TTLL5: variants seen among roughly 807,000 people sequenced by gnomAD.
TTLL5 encodes tubulin polyglutamylase TTLL5.
Under a neutral mutation model 168.4 loss-of-function variants are expected in TTLL5, and 132 were observed. That is an observed-to-expected ratio of 0.78 (90% CI 0.68 to 0.91). The LOEUF (loss-of-function observed/expected upper bound fraction) is 0.91, where lower values mean the gene tolerates loss of function less well. Ranked by LOEUF, TTLL5 falls within the 40% of genes least tolerant of loss-of-function variation. The pLI is 0.00. For missense variants in TTLL5, 1,545 were observed against 1,581.5 expected (o/e 0.98, Z 0.39); for synonymous variants, 546 against 558.6 (o/e 0.98, Z 0.32).
rs556811854 is a variant in TTLL5 at position 75,829,454 on chromosome 14, A to C, written c.3326+9293A>C. 5.3e-5 allele frequency among the ~76,000 whole-genome samples: 8 copies of C among 152,326 alleles called. No individual in the cohort carries two copies. The East Asian group carries it at 1.5e-3, about 29-fold the overall frequency. ...AATAAAAAAATTTATTGAGAAAATC[A>C]TAAGGAAGAGAAATACATTTACTAT... On this transcript the variant is annotated intron_variant, in intron 28 of 31. Coordinates refer to ENST00000298832, the MANE Select transcript of TTLL5 (RefSeq NM_015072.5).
chr14:75,895,560 AAT>A (rs1282258714), intron 30 of TTLL5, among the ~76,000 whole-genome samples: 2 of 152,346 alleles, frequency 1.3e-5, no homozygotes, highest in African/African-American at 4.8e-5. Flanking sequence ...ATTTTAAAAA[AAT>A]AGAGTACCTA....
chr14:75,908,459 C>T (rs1273114171), intron 31 of TTLL5, among the ~76,000 whole-genome samples: 3 of 152,234 alleles, frequency 2.0e-5, no homozygotes, highest in Non-Finnish European at 2.9e-5. Flanking sequence ...ACCATAATCA[C>T]GAACGAATGT....
chr14:75,902,159 G>C lies in TTLL5; in HGVS notation c.3758G>C (p.Gly1253Ala), dbSNP rs896484588. ...TGTTTCAGAGGGTCCTCCGCGGAAG[G>C]GCAGCTGAATGGACTCCAGAGCAGC... is the stretch of plus-strand genomic sequence containing the variant. ...QKASKGSSAE[G>A]QLNGLQSSLN... The change falls in exon 31 of 32, where the codon GGG becomes GCG. Residue 1253 changes from glycine to alanine, a missense_variant. By Grantham distance (60) the Gly-to-Ala change is moderately conservative. Transcript: ENST00000298832. 1.9e-5 allele frequency: 30 copies of C among 1,614,016 alleles called. No homozygotes were observed. In the Admixed American group the frequency reaches 5.0e-4, roughly 27 times the overall value.
At chr14:75,778,724 T>G (rs1891869513) in intron 23 of TTLL5, among the ~76,000 whole-genome samples, 2 of 152,194 alleles carry the variant, frequency 1.3e-5, no homozygotes, top group Non-Finnish European at 2.9e-5. Context: ...AAAAGGCCAT[T>G]GAGAAGCTGC....
intron 9 of TTLL5, chr14:75,711,977 G>A (rs1887111913): frequency 6.6e-6 from 1 of 152,434 alleles, no homozygotes. Context: ...CCAACAAGGG[G>A]GAGAAAACCC....
intron 28 of TTLL5, among the ~76,000 whole-genome samples, chr14:75,857,545 A>G (rs938541164): frequency 6.6e-6 from 1 of 151,792 alleles, no homozygotes; most frequent in African/African-American, 2.4e-5. Context: ...TATTAGAGAT[A>G]TGCTAACCTC....
intron 27 of TTLL5, among the ~76,000 whole-genome samples, chr14:75,813,014 C>A (rs1195942203): frequency 3.3e-5 from 5 of 152,132 alleles, no homozygotes; most frequent in African/African-American, 1.2e-4. Context: ...ATTAAAACAA[C>A]AAGATTGGGA....
intron 14 of TTLL5, among the ~76,000 whole-genome samples, 155 bp downstream of exon 14, chr14:75,734,205 T>C (rs1888740618): frequency 6.6e-6 from 1 of 152,238 alleles, no homozygotes; most frequent in African/African-American, 2.4e-5. Context: ...TTTATATGTT[T>C]CTACGACACT....
At chr14:75,694,352 T>C (rs1276105053) in intron 6 of TTLL5, among the ~76,000 whole-genome samples, 2 of 152,230 alleles carry the variant, frequency 1.3e-5, no homozygotes, top group East Asian at 3.8e-4. Context: ...AACTTCTTTT[T>C]TTTTGAGACA....
chr14:75,684,212 T>C (rs1249008330), intron 5 of TTLL5: 1 of 152,384 alleles, frequency 6.6e-6, no homozygotes, highest in Non-Finnish European at 1.5e-5. Context: ...TGGTTCTCTT[T>C]CCTAAAGTTG....
intron 3 of TTLL5, among the ~76,000 whole-genome samples, chr14:75,673,810 A>T (rs1444693442): frequency 2.0e-5 from 3 of 152,162 alleles, no homozygotes; most frequent in Non-Finnish European, 2.9e-5. Context: ...CTCCCCAAGG[A>T]TCCTTGTGTT....
At chr14:75,788,299 A>G (rs1892500457) in intron 26 of TTLL5, among the ~76,000 whole-genome samples, 1 of 152,184 alleles carries the variant, frequency 6.6e-6, no homozygotes, top group Admixed American at 6.5e-5. Flanking sequence ...GAATTCAAAA[A>G]TAAGGCACAG....
intron 31 of TTLL5, among the ~76,000 whole-genome samples, chr14:75,933,808 C>T (rs1595296586): frequency 6.6e-6 from 1 of 152,282 alleles, no homozygotes; most frequent in Non-Finnish European, 1.5e-5. Flanking sequence ...TGCGGCAGGG[C>T]CCTGCTCCAG....
At chr14:75,852,531 G>T (rs938605721) in intron 28 of TTLL5, among the ~76,000 whole-genome samples, 2 of 152,040 alleles carry the variant, frequency 1.3e-5, no homozygotes, top group South Asian at 4.1e-4. Context: ...AGCTTTTCAT[G>T]ATCTCTAACA....
In TTLL5 at chr14:75,751,556, G is replaced by A. The variant is rs188752178; in HGVS notation, c.1488-1337G>A. ...AGCAGAATGCATGAGATTTCATCAC[G>A]CTCCTCAGGACAGTGCATAATTTAA... is the stretch of plus-strand genomic sequence containing the variant. On this transcript the variant is annotated intron_variant, in intron 17 of 31. Coordinates refer to ENST00000298832, the MANE Select transcript of TTLL5 (RefSeq NM_015072.5). 8.9e-4 allele frequency among the ~76,000 whole-genome samples: 135 copies of A among 152,282 alleles called. 1 individual carries two copies. Among genetic ancestry groups the A allele is most frequent in the Admixed American group, 6.2e-3 (95 of 15,284 alleles).
chr14:75,843,148 A>G (rs544957985), intron 28 of TTLL5, among the ~76,000 whole-genome samples: 2 of 152,252 alleles, frequency 1.3e-5, no homozygotes, highest in Admixed American at 6.5e-5. Context: ...CTTGTGACAG[A>G]TAGGATTCTC....
chr14:75,743,662 T>A (rs991091193), intron 15 of TTLL5, among the ~76,000 whole-genome samples: 13 of 139,298 alleles, frequency 9.3e-5, no homozygotes, highest in African/African-American at 3.2e-4. Context: ...GCTCACTGCA[T>A]GCTCCGCCTC....
intron 3 of TTLL5, among the ~76,000 whole-genome samples, chr14:75,674,108 G>T (rs1286297191): frequency 6.6e-6 from 1 of 152,072 alleles, no homozygotes; most frequent in Non-Finnish European, 1.5e-5. Context: ...ATCTATTTAA[G>T]CAATTACTAT....
chr14:75,833,383 A>G (rs1204513991), intron 28 of TTLL5, among the ~76,000 whole-genome samples: 1 of 152,220 alleles, frequency 6.6e-6, no homozygotes, highest in Non-Finnish European at 1.5e-5. Context: ...TTTTGGGACT[A>G]TCATATGGCC....
Sources: gnomAD v4.1 joint callset for allele counts (sites outside exome capture counted in the v4.1 genomes callset) on GRCh38, gnomAD v4.1.1 for gene constraint, MANE v1.5 for transcripts, NCBI Gene and HGNC (gene_info 2026-07-23, HGNC 2026-07-21) for gene names.